Variants in ZNF273 observed in about 807,000 individuals in gnomAD.
ZNF273 encodes zinc finger protein 273.
Under a neutral mutation model 14.9 loss-of-function variants are expected in ZNF273, and 11 were observed. The observed-to-expected ratio is 0.74, with a 90% CI of 0.46 to 1.22. The LOEUF (loss-of-function observed/expected upper bound fraction) is 1.22. Among genes scored for constraint, ZNF273 ranks in the 50% most tolerant of loss-of-function variants. The pLI, the probability that ZNF273 is intolerant of heterozygous loss-of-function variation, is 0.00. For missense variants in ZNF273, 577 were observed against 660.6 expected (o/e 0.87, Z 1.39); for synonymous variants, 199 against 223.9 (o/e 0.89, Z 0.99).
At chr7:64,933,664 T>A (rs1370418236), downstream of ZNF273, 2 of 152,198 alleles carry the variant, frequency 1.3e-5, no homozygotes, top group Non-Finnish European at 2.9e-5. Flanking sequence ...ACACAAGAAC[T>A]AAGTATTTTT....
At position 64,922,332 on chromosome 7, in the gene ZNF273, T is replaced by C. The variant is rs535969985; in HGVS notation, c.325+4040T>C. 6.0e-5 allele frequency among the ~76,000 whole-genome samples: 9 copies of C among 151,002 alleles called. 1 individual carries two copies. In the South Asian group the frequency reaches 1.9e-3, roughly 32 times the overall value. On this transcript the variant is annotated intron_variant, in intron 3 of 3. Transcript: ENST00000476120. ...AGTTTCTTTGTTTTTGTTTTTTTGTTTTTTTTTTCCCCCGGAGACAGAGTC... is the reference window on the plus strand; with the variant it reads ...AGTTTCTTTGTTTTTGTTTTTTTGTCTTTTTTTTCCCCCGGAGACAGAGTC...
downstream of ZNF273, among the ~76,000 whole-genome samples, chr7:64,934,839 A>G (rs1173886448): frequency 6.6e-6 from 1 of 152,042 alleles, no homozygotes; most frequent in East Asian, 1.9e-4. Context: ...TTTATTAAGT[A>G]TGTCACTGGT....
chr7:64,891,462 C>A (rs1792034141), downstream of ZNF273, among the ~76,000 whole-genome samples: 1 of 152,208 alleles, frequency 6.6e-6, no homozygotes, highest in Admixed American at 6.5e-5. Flanking sequence ...TGATTGGAAT[C>A]CAGGCATCTG....
chr7:64,892,266 A>T (rs1317534900), downstream of ZNF273, among the ~76,000 whole-genome samples: 1 of 152,252 alleles, frequency 6.6e-6, no homozygotes, highest in Non-Finnish European at 1.5e-5. Context: ...ACTTGGAAAA[A>T]CAATGGAAAA....
intron 1 of ZNF273, among the ~76,000 whole-genome samples, chr7:64,912,083 C>G (rs752905859): frequency 6.6e-6 from 1 of 152,158 alleles, no homozygotes; most frequent in African/African-American, 2.4e-5. Flanking sequence ...CTCAGCCTAC[C>G]TAGTAGCTGG....
chr7:64,916,873 A>T (rs957529462), intron 1 of ZNF273, among the ~76,000 whole-genome samples: 10 of 151,176 alleles, frequency 6.6e-5, no homozygotes, highest in Non-Finnish European at 3.0e-5. Context: ...TATTTTTCTT[A>T]CTATAGAGTT....
intron 3 of ZNF273, 98 bp downstream of exon 3, chr7:64,918,390 C>A: frequency 8.2e-7 from 1 of 1,218,418 alleles, no homozygotes; most frequent in Non-Finnish European, 1.1e-6. Flanking sequence ...GGGCCAGGCG[C>A]GGTGGCTCAC....
downstream of ZNF273, among the ~76,000 whole-genome samples, chr7:64,891,374 G>C (rs537252617): frequency 6.6e-6 from 1 of 152,188 alleles, no homozygotes; most frequent in African/African-American, 2.4e-5. Flanking sequence ...CTTCCTGTGG[G>C]TAAGAACCAA....
intron 1 of ZNF273, chr7:64,916,974 G>A (rs1794051624): frequency 8.2e-7 from 1 of 1,222,316 alleles, no homozygotes; most frequent in Non-Finnish European, 1.0e-6. Context: ...TCTTTCTTAG[G>A]TTTCCTTTGT....
At chr7:64,902,886 G>T (rs1312458579), upstream of ZNF273, among the ~76,000 whole-genome samples, 3 of 152,232 alleles carry the variant, frequency 2.0e-5, no homozygotes, top group African/African-American at 7.2e-5. Flanking sequence ...ACTTTGAATA[G>T]AATGGAAGGC....
chr7:64,934,734 G>A (rs1425987798), downstream of ZNF273, among the ~76,000 whole-genome samples: 4 of 152,068 alleles, frequency 2.6e-5, no homozygotes, highest in African/African-American at 9.7e-5. Flanking sequence ...TTCAAAGTCA[G>A]GTAGGGTAAT....
At chr7:64,907,001 C>T (rs953960192) in intron 1 of ZNF273, among the ~76,000 whole-genome samples, 14 of 151,938 alleles carry the variant, frequency 9.2e-5, no homozygotes, top group Non-Finnish European at 2.1e-4. Flanking sequence ...AATGTTTTAC[C>T]CTGAAGTCAG....
chr7:64,928,713 A>C lies in ZNF273; in HGVS notation c.1385A>C (p.Glu462Ala), dbSNP rs1373273550. 4 of 1,606,982 alleles carry C rather than the reference A, an allele frequency of 2.5e-6. No homozygotes were observed. The East Asian group carries it at 8.9e-5, about 36-fold the overall frequency. Reference sequence around the variant, plus strand: ...GGAGCAAAACCTTACAAATGTGAAGAATGTGGCAGTGCCTTTAGGGCATTC... The same window carrying C: ...GGAGCAAAACCTTACAAATGTGAAGCATGTGGCAGTGCCTTTAGGGCATTC... The part of the protein sequence containing the change: ...HTGAKPYKCE[E>A]CGSAFRAFST... Residue 462 changes from glutamate to alanine, a missense_variant, in exon 4 of 4, where the codon GAA becomes GCA. Transcript: ENST00000476120.
intron 1 of ZNF273, among the ~76,000 whole-genome samples, chr7:64,886,493 C>T (rs1158181580): frequency 6.6e-6 from 1 of 152,220 alleles, no homozygotes; most frequent in Non-Finnish European, 1.5e-5. Flanking sequence ...AACTGACCAT[C>T]GCTACATGTT....
chr7:64,891,687 A>G (rs1792047780), downstream of ZNF273, among the ~76,000 whole-genome samples: 1 of 152,184 alleles, frequency 6.6e-6, no homozygotes, highest in Non-Finnish European at 1.5e-5. Context: ...GCTACTTATT[A>G]TGTATCACCA....
Position 64,928,435 on chromosome 7 carries a change from T to C in ZNF273, c.1107T>C (p.Thr369=), listed in dbSNP as rs199952093. 1.1e-4 allele frequency: 175 copies of C among 1,613,390 alleles called. No individual in the cohort carries two copies. The highest frequency in any genetic ancestry group is 1.4e-4 in the Non-Finnish European group (160 of 1,179,890). ...TTACTAAACATAAGAGAATTCATAC[T>C]GGAGAGAAACCCTACAAATGTGAAG... ...STLTKHKRIH[T]GEKPYKCEEC... The change falls in exon 4 of 4, where the codon ACT becomes ACC. Residue 369 remains threonine, a synonymous_variant. Transcript: ENST00000476120.
chr7:64,914,673 G>A (rs1793826414), intron 1 of ZNF273, among the ~76,000 whole-genome samples: 2 of 152,140 alleles, frequency 1.3e-5, no homozygotes, highest in South Asian at 4.2e-4. Context: ...TAGATAAAGA[G>A]AAACTTTATT....
chr7:64,898,622 G>A (rs1425295339), upstream of ZNF273, among the ~76,000 whole-genome samples: 1 of 152,226 alleles, frequency 6.6e-6, no homozygotes, highest in East Asian at 1.9e-4. Context: ...GTGAGGTAGA[G>A]TAGGATACAT....
intron 1 of ZNF273, among the ~76,000 whole-genome samples, chr7:64,904,041 A>G (rs1472009408): frequency 2.6e-5 from 4 of 152,100 alleles, no homozygotes; most frequent in Non-Finnish European, 5.9e-5. Flanking sequence ...TTAAGCCTGA[A>G]TTTTGTTTCC....
Sources: gnomAD v4.1 joint callset for allele counts (sites outside exome capture counted in the v4.1 genomes callset) on GRCh38, gnomAD v4.1.1 for gene constraint, MANE v1.5 for transcripts, NCBI Gene and HGNC (gene_info 2026-07-23, HGNC 2026-07-21) for gene names.